ADAMTS12: variants seen among roughly 807,000 people sequenced by gnomAD.
The protein encoded by ADAMTS12 is A disintegrin and metalloproteinase with thrombospondin motifs 12.
A neutral mutation model predicts 167.8 loss-of-function variants in ADAMTS12; 118 were observed. That is an observed-to-expected ratio of 0.70 (90% CI 0.61 to 0.82). The LOEUF is 0.82. Ranked by LOEUF, ADAMTS12 falls within the 40% of genes least tolerant of loss-of-function variation. ADAMTS12 has a pLI of 0.00. For synonymous variants in ADAMTS12, 704 were observed against 716.9 expected (o/e 0.98, Z 0.29); for missense variants, 1,916 against 1,998.8 (o/e 0.96, Z 0.79).
At chr5:33,648,110 G>A (rs1740744434) in intron 9 of ADAMTS12, among the ~76,000 whole-genome samples, 1 of 152,252 alleles carries the variant, frequency 6.6e-6, no homozygotes, top group Non-Finnish European at 1.5e-5. Context: ...TATAAGGGAT[G>A]AGTTCAGAGA....
chr5:33,843,398 C>G (rs897819946), intron 2 of ADAMTS12, among the ~76,000 whole-genome samples: 1 of 151,306 alleles, frequency 6.6e-6, no homozygotes, highest in African/African-American at 2.4e-5. Flanking sequence ...GGTCAGAGCC[C>G]AAGCAGGGTG....
At chr5:33,690,887 A>G (rs183050494) in intron 3 of ADAMTS12, among the ~76,000 whole-genome samples, 1 of 152,286 alleles carries the variant, frequency 6.6e-6, no homozygotes, top group East Asian at 1.9e-4. Context: ...ATTTCTCACA[A>G]TGAAGACCAG....
In ADAMTS12 at chr5:33,891,865, T is replaced by C; in HGVS notation, c.-9A>G. ...CTCTGGGCACATGGCATGATTCAGA[T>C]GTTGAGGAGAAGAAAAGTCAAAAAA... is the stretch of plus-strand genomic sequence containing the variant. On this transcript the variant is annotated 5_prime_UTR_variant, in exon 1 of 24. Transcript: ENST00000504830. 2 of 1,610,112 alleles carry C rather than the reference T, an allele frequency of 1.2e-6. No individual in the cohort carries two copies. The highest frequency in any genetic ancestry group is 8.5e-7 in the Non-Finnish European group (1 of 1,178,744).
intron 5 of ADAMTS12, among the ~76,000 whole-genome samples, chr5:33,676,472 T>C (rs1741903911): frequency 6.8e-6 from 1 of 148,068 alleles, no homozygotes; most frequent in Non-Finnish European, 1.5e-5. Context: ...GAAAGGATAC[T>C]TTTTTTTTTA....
At chr5:33,812,514 A>C (rs1386549475) in intron 2 of ADAMTS12, among the ~76,000 whole-genome samples, 2 of 152,240 alleles carry the variant, frequency 1.3e-5, no homozygotes, top group Admixed American at 6.5e-5. Flanking sequence ...CTTCCTTCAC[A>C]CACCTCTTGG....
chr5:33,709,047 A>G lies in ADAMTS12; in HGVS notation c.635-24992T>C, dbSNP rs1743296298. On this transcript the variant is annotated intron_variant, in intron 3 of 23. Coordinates refer to ENST00000504830, the MANE Select transcript of ADAMTS12 (RefSeq NM_030955.4). ...CATATTAAGAAGAAATTGGGCAAAG[A>G]ACATGAAGACACTTCTCAAAAGAAG... 1.3e-5 allele frequency among the ~76,000 whole-genome samples: 2 copies of G among 152,150 alleles called. 1 individual carries two copies. The highest frequency in any genetic ancestry group is 2.9e-5 in the Non-Finnish European group (2 of 68,000).
chr5:33,723,575 G>T (rs1378147665), intron 3 of ADAMTS12, among the ~76,000 whole-genome samples: 1 of 152,172 alleles, frequency 6.6e-6, no homozygotes, highest in East Asian at 1.9e-4. Context: ...GGCCACATCA[G>T]TTACAACCTG....
At chr5:33,709,758 C>G (rs7727220) in intron 3 of ADAMTS12, among the ~76,000 whole-genome samples, 130,834 of 152,148 alleles carry the variant, frequency 0.86, 56,527 homozygotes, top group Non-Finnish European at 0.89. Flanking sequence ...ATGCATGCTG[C>G]GCTTAATACC....
At chr5:33,654,452 T>C (rs1740970496) in intron 7 of ADAMTS12, among the ~76,000 whole-genome samples, 1 of 152,042 alleles carries the variant, frequency 6.6e-6, no homozygotes, top group South Asian at 2.1e-4. Context: ...GGGAAGGGAG[T>C]GGGGCCACTG....
chr5:33,589,510 GT>G (rs1478813288), intron 17 of ADAMTS12, among the ~76,000 whole-genome samples: 1 of 151,808 alleles, frequency 6.6e-6, no homozygotes, highest in Non-Finnish European at 1.5e-5. Context: ...AAATAAAATC[GT>G]TTTTTACTCA....
Position 33,525,580 on chromosome 5 carries a change from C to A in ADAMTS12, c.*1608G>T, listed in dbSNP as rs1743777467. 6.6e-6 allele frequency: 1 copy of A among 152,188 alleles called. No individual in the cohort carries two copies. Among genetic ancestry groups the A allele is most frequent in the East Asian group, 1.9e-4 (1 of 5,202 alleles). The allele number at this position is 152,188 out of a possible 1,614,324, so 9.4% of individuals were successfully genotyped here. On this transcript the variant is annotated 3_prime_UTR_variant, in exon 24 of 24. Coordinates refer to ENST00000504830, the MANE Select transcript of ADAMTS12 (RefSeq NM_030955.4). ...TACACTTACCCATTTGTATGCCTAT[C>A]TATGTTTACATTAATTCTGCCACCA...
intron 3 of ADAMTS12, among the ~76,000 whole-genome samples, chr5:33,725,575 G>A (rs2112343058): frequency 6.6e-6 from 1 of 152,308 alleles, no homozygotes; most frequent in South Asian, 2.1e-4. Flanking sequence ...GAAACCATGA[G>A]AAAGCACCCA....
intron 2 of ADAMTS12, among the ~76,000 whole-genome samples, chr5:33,833,011 C>T (rs980419615): frequency 6.6e-6 from 1 of 152,142 alleles, no homozygotes; most frequent in African/African-American, 2.4e-5. Flanking sequence ...TTTTGTTTCT[C>T]TCTAGTCATT....
chr5:33,664,027 T>C (rs1038401858), intron 5 of ADAMTS12, among the ~76,000 whole-genome samples: 7 of 152,142 alleles, frequency 4.6e-5, no homozygotes, highest in African/African-American at 7.2e-5. Context: ...TACAGAAACA[T>C]ACTGTGTTAA....
chr5:33,611,683 A>T (rs76064590), intron 16 of ADAMTS12, among the ~76,000 whole-genome samples: 2,045 of 152,286 alleles, frequency 0.013, 43 homozygotes, highest in African/African-American at 0.047. Context: ...CTAAATGCTC[A>T]TCAGAAGAAC....
intron 3 of ADAMTS12, among the ~76,000 whole-genome samples, chr5:33,747,291 T>C (rs1744823761): frequency 6.6e-6 from 1 of 152,184 alleles, no homozygotes; most frequent in African/African-American, 2.4e-5. Context: ...CCACAAGCCA[T>C]AGATTTAGGG....
At position 33,575,948 on chromosome 5, in the gene ADAMTS12, C is replaced by T; in HGVS notation, c.3972+106G>A. 3 of 1,467,456 alleles carry T rather than the reference C, an allele frequency of 2.0e-6. No individual in the cohort carries two copies. In the South Asian group the frequency reaches 4.3e-5, roughly 21 times the overall value. 90.9% of individuals were successfully genotyped at this position (1,467,456 alleles called of 1,614,324 possible). Reference sequence around the variant, plus strand: ...GTCTGATTGCTTCCTTTTGTTTTCACAATAGAATATATTTTAATGCAAACT... The same window carrying T: ...GTCTGATTGCTTCCTTTTGTTTTCATAATAGAATATATTTTAATGCAAACT... On this transcript the variant is annotated intron_variant, in intron 19 of 23. Coordinates refer to ENST00000504830, the MANE Select transcript of ADAMTS12 (RefSeq NM_030955.4).
intron 2 of ADAMTS12, among the ~76,000 whole-genome samples, chr5:33,849,757 T>A (rs1019091580): frequency 6.7e-6 from 1 of 149,854 alleles, no homozygotes. Context: ...ATATATAGTA[T>A]CTATATATGT....
At chr5:33,809,645 C>T (rs1288789595) in intron 2 of ADAMTS12, among the ~76,000 whole-genome samples, 2 of 152,064 alleles carry the variant, frequency 1.3e-5, no homozygotes, top group Admixed American at 1.3e-4. Context: ...TCTTGCATTC[C>T]AGCAGGAGGA....
Sources: allele counts gnomAD v4.1 joint callset (sites outside exome capture counted in the v4.1 genomes callset), GRCh38; gene constraint gnomAD v4.1.1; transcripts MANE v1.5; gene names NCBI Gene and HGNC (gene_info 2026-07-23, HGNC 2026-07-21).